BTRC: variants seen among roughly 807,000 people sequenced by gnomAD.
The protein encoded by BTRC is beta-transducin repeat containing E3 ubiquitin protein ligase.
A neutral mutation model predicts 85.5 loss-of-function variants in BTRC; 42 were observed. That is an observed-to-expected ratio of 0.49 (90% CI 0.38 to 0.64). BTRC has a LOEUF of 0.64. Among genes scored for constraint, BTRC ranks in the 30% least tolerant of loss-of-function variants. The pLI is 0.00. For synonymous variants in BTRC, 255 were observed against 263.3 expected, an observed-to-expected ratio of 0.97 and a Z score of 0.30; for missense variants, 594 against 743.5, an observed-to-expected ratio of 0.80 and a Z score of 2.34.
intron 1 of BTRC, among the ~76,000 whole-genome samples, chr10:101,357,002 G>C (rs191937393): frequency 1.1e-3 from 174 of 151,668 alleles, no homozygotes; most frequent in African/African-American, 4.0e-3. Flanking sequence ...GGCAGCGTGC[G>C]CCTGTAGTCC....
intron 1 of BTRC, among the ~76,000 whole-genome samples, chr10:101,405,065 G>T (rs906799867): frequency 1.3e-5 from 2 of 151,714 alleles, no homozygotes; most frequent in Non-Finnish European, 2.9e-5. Flanking sequence ...GTGCAGCTTG[G>T]GGGTGAACAT....
chr10:101,547,467 A>G (rs1291867975), intron 13 of BTRC, among the ~76,000 whole-genome samples: 3 of 148,710 alleles, frequency 2.0e-5, no homozygotes, highest in Non-Finnish European at 4.4e-5. Context: ...CAGCCTCCTG[A>G]GTAGCTGGGA....
At chr10:101,471,761 A>G (rs1470097061) in intron 3 of BTRC, among the ~76,000 whole-genome samples, 5 of 152,134 alleles carry the variant, frequency 3.3e-5, no homozygotes, top group African/African-American at 1.2e-4. Context: ...ATGTGGCAAG[A>G]TGTTTTAGAG....
intron 3 of BTRC, among the ~76,000 whole-genome samples, chr10:101,464,547 C>A (rs922932907): frequency 8.4e-5 from 12 of 142,452 alleles, no homozygotes; most frequent in Admixed American, 2.8e-4. Context: ...CCCCACCCCC[C>A]CCATGGTGCT....
chr10:101,538,547 CAAAAATGCTTTAGAGACT>C (rs1190542188), intron 13 of BTRC, among the ~76,000 whole-genome samples, 176 bp downstream of exon 13: 1 of 152,080 alleles, frequency 6.6e-6, no homozygotes, highest in Non-Finnish European at 1.5e-5. Context: ...TCCTTTCATC[CAAAAATGCTTTAGAGACT>C]ATATATGGAG....
At chr10:101,532,195 ATAGAG>A in intron 7 of BTRC, 95 bp from the exon 8 acceptor site, 2 of 1,294,028 alleles carry the variant, frequency 1.5e-6, no homozygotes, top group Non-Finnish European at 2.1e-6. Context: ...TGTATATCCC[ATAGAG>A]TAAAGCATTG....
chr10:101,451,630 A>T (rs780226458), intron 2 of BTRC, among the ~76,000 whole-genome samples: 1 of 152,168 alleles, frequency 6.6e-6, no homozygotes, highest in African/African-American at 2.4e-5. Context: ...GTTTGCCTGC[A>T]TAGACAATAT....
chr10:101,365,942 C>T (rs929030764), intron 1 of BTRC, among the ~76,000 whole-genome samples: 6 of 152,140 alleles, frequency 3.9e-5, no homozygotes, highest in Non-Finnish European at 7.4e-5. Context: ...GCTGCTTAAA[C>T]GACTCCTTAC....
chr10:101,491,400 TA>T (rs1946129467), intron 4 of BTRC, among the ~76,000 whole-genome samples: 1 of 152,082 alleles, frequency 6.6e-6, no homozygotes, highest in African/African-American at 2.4e-5. Context: ...TTTTGTCAAT[TA>T]AAAATGTGTC....
chr10:101,535,280 C>G, intron 10 of BTRC, 74 bp from the exon 11 acceptor site: 1 of 1,145,570 alleles, frequency 8.7e-7, no homozygotes, highest in Non-Finnish European at 1.3e-6. Flanking sequence ...TTCTGCTTCT[C>G]TAAGACTCCA....
intron 13 of BTRC, among the ~76,000 whole-genome samples, chr10:101,539,237 T>A (rs1002549148): frequency 2.0e-5 from 3 of 152,300 alleles, no homozygotes; most frequent in Non-Finnish European, 2.9e-5. Context: ...TTATTTATCA[T>A]GTTGTTAGCC....
At position 101,550,830 on chromosome 10, in the gene BTRC, T is replaced by C; in HGVS notation, c.1788T>C (p.Pro596=). 1 of 1,614,040 alleles carries C rather than the reference T, an allele frequency of 6.2e-7. No individual in the cohort carries two copies. The highest frequency in any genetic ancestry group is 8.5e-7 in the Non-Finnish European group (1 of 1,179,936). ...PAAQAEPPRS[P]SRTYTYISR is the part of the protein sequence containing the mutation. ...CCCAAGCTGAACCCCCCCGTTCCCC[T>C]TCTCGAACATACACCTACATCTCCA... Residue 596 remains proline, a synonymous_variant, in exon 14 of 15, where the codon CCT becomes CCC. Transcript: ENST00000370187.
At chr10:101,551,275 C>T (rs1404539959) in intron 14 of BTRC, 1 of 158,980 alleles carries the variant, frequency 6.3e-6, no homozygotes, top group Non-Finnish European at 1.4e-5. Context: ...ACCTTTCAAG[C>T]CAAGTAAACA....
intron 5 of BTRC, among the ~76,000 whole-genome samples, chr10:101,523,459 A>C (rs1362833159): frequency 6.6e-6 from 1 of 152,168 alleles, no homozygotes; most frequent in Non-Finnish European, 1.5e-5. Context: ...TTGTGTATTC[A>C]AAGTTTATTT....
intron 1 of BTRC, among the ~76,000 whole-genome samples, chr10:101,379,535 T>C (rs1942876745): frequency 6.6e-6 from 1 of 152,220 alleles, no homozygotes; most frequent in Non-Finnish European, 1.5e-5. Context: ...AAATATGTTA[T>C]AAATTATAGT....
chr10:101,469,035 A>G lies in BTRC; in HGVS notation c.234+6977A>G, dbSNP rs189046735. On this transcript the variant is annotated intron_variant, in intron 3 of 14. Transcript: ENST00000370187. ...CAAAGAAGGTAGTTTTCAGCAAGGC[A>G]TCTTACTAGTTTATGCTTATGTGCT... 3.9e-5 allele frequency among the ~76,000 whole-genome samples: 6 copies of G among 152,336 alleles called. No homozygotes were observed. The East Asian group carries it at 7.7e-4, about 20-fold the overall frequency.
chr10:101,518,340 C>T (rs1329831208), intron 4 of BTRC, among the ~76,000 whole-genome samples: 1 of 152,168 alleles, frequency 6.6e-6, no homozygotes, highest in African/African-American at 2.4e-5. Context: ...GCCCATGTGG[C>T]CCCTCTGTAT....
Position 101,550,790 on chromosome 10 carries a change from T to C in BTRC, c.1748T>C (p.Leu583Pro). 1 of 1,614,160 alleles carries C rather than the reference T, an allele frequency of 6.2e-7. No individual in the cohort carries two copies. Among genetic ancestry groups the C allele is most frequent in the Non-Finnish European group, 8.5e-7 (1 of 1,180,006 alleles). The change falls in exon 14 of 15, where the codon CTA becomes CCA. Residue 583 changes from leucine (L) to proline (P), a missense_variant. Leu to Pro is a moderately conservative substitution (Grantham distance 98). Coordinates refer to ENST00000370187, the MANE Select transcript of BTRC (RefSeq NM_033637.4). Reference sequence around the variant, plus strand: ...GACACAATCCTCATCTGGGACTTCCTAAATGATCCAGCTGCCCAAGCTGAA... The same window carrying C: ...GACACAATCCTCATCTGGGACTTCCCAAATGATCCAGCTGCCCAAGCTGAA... ...HDDTILIWDF[L>P]NDPAAQAEPP...
At chr10:101,482,541 G>A (rs1042507108) in intron 4 of BTRC, among the ~76,000 whole-genome samples, 3 of 151,524 alleles carry the variant, frequency 2.0e-5, no homozygotes, top group African/African-American at 4.9e-5. Flanking sequence ...GACTATAGGC[G>A]CCCGCCACCA....
Sources: gnomAD v4.1 joint callset for allele counts (sites outside exome capture counted in the v4.1 genomes callset) on GRCh38, gnomAD v4.1.1 for gene constraint, MANE v1.5 for transcripts, NCBI Gene and HGNC (gene_info 2026-07-23, HGNC 2026-07-21) for gene names.